ASPG: variants seen among roughly 807,000 people sequenced by gnomAD.
ASPG encodes the protein asparaginase.
Under a neutral mutation model 63.2 loss-of-function variants are expected in ASPG, and 53 were observed. The ratio of observed to expected loss-of-function variants is 0.84; its 90% confidence interval spans 0.67 to 1.05. The LOEUF (loss-of-function observed/expected upper bound fraction) is 1.05, where lower values mean the gene tolerates loss of function less well. ASPG is among the 50% of genes least tolerant of loss of function. The pLI is 0.00. For synonymous variants in ASPG, 370 were observed against 355.0 expected, an observed-to-expected ratio of 1.04 and a Z score of -0.48; for missense variants, 741 against 794.4, an observed-to-expected ratio of 0.93 and a Z score of 0.81.
chr14:104,087,438 C>T (rs1458478140), intron 1 of ASPG, among the ~76,000 whole-genome samples: 1 of 152,278 alleles, frequency 6.6e-6, no homozygotes, highest in South Asian at 2.1e-4. Flanking sequence ...ATAACAGGGT[C>T]TGAGCTGGGT....
intron 4 of ASPG, among the ~76,000 whole-genome samples, chr14:104,096,375 T>G (rs2036595953): frequency 6.6e-6 from 1 of 152,082 alleles, no homozygotes; most frequent in South Asian, 2.1e-4. Flanking sequence ...TCCAGAAAGC[T>G]CCATGGAGGC....
chr14:104,094,811 T>G (rs574491052), intron 3 of ASPG, among the ~76,000 whole-genome samples: 2 of 152,336 alleles, frequency 1.3e-5, no homozygotes. Flanking sequence ...CCTGCCGTCT[T>G]GCCGCGAGTG....
At chr14:104,095,850 G>A (rs544428474) in intron 4 of ASPG, among the ~76,000 whole-genome samples, 194 bp downstream of exon 4, 2 of 152,192 alleles carry the variant, frequency 1.3e-5, no homozygotes, top group Non-Finnish European at 2.9e-5. Context: ...CACCTGCCCC[G>A]CAGGAGGGGG....
intron 5 of ASPG, 31 bp downstream of exon 5, chr14:104,097,668 A>T: frequency 6.5e-7 from 1 of 1,547,206 alleles, no homozygotes. Context: ...GAGGCGGGGC[A>T]GGTGGGGTGG....
At chr14:104,102,142 C>T (rs75631110) in intron 6 of ASPG, among the ~76,000 whole-genome samples, 49 of 152,166 alleles carry the variant, frequency 3.2e-4, no homozygotes, top group African/African-American at 1.2e-3. Flanking sequence ...CTTTCCTGTG[C>T]TGATGCCTTA....
intron 3 of ASPG, among the ~76,000 whole-genome samples, chr14:104,094,263 T>C (rs1233612594): frequency 6.6e-6 from 1 of 152,002 alleles, no homozygotes; most frequent in African/African-American, 2.4e-5. Flanking sequence ...TGTGTGATGC[T>C]ACCTCGAGGG....
In ASPG at chr14:104,092,633, TGCTTGTG is replaced by T; in HGVS notation, c.84_90del (p.Leu29ProfsTer9). 19 of 1,534,998 alleles carry T rather than the reference TGCTTGTG, an allele frequency of 1.2e-5. No homozygotes were observed. The highest frequency in any genetic ancestry group is 1.7e-5 in the Non-Finnish European group (19 of 1,146,788). On this transcript the variant is annotated frameshift_variant and splice_region_variant, in exon 2 of 16. Transcript: ENST00000551177. LOFTEE classifies it high-confidence loss of function. Reference sequence around the variant, plus strand: ...GCATCCACCTGGACTCTGCCTGCAGTGCTTGTGCCCGGGACGGGCCTGGCTGCCATCC... The same window carrying T: ...GCATCCACCTGGACTCTGCCTGCAGTCCCGGGACGGGCCTGGCTGCCATCC...
At chr14:104,086,808 T>C (rs1274223466) in intron 1 of ASPG, among the ~76,000 whole-genome samples, 4 of 152,044 alleles carry the variant, frequency 2.6e-5, no homozygotes, top group Admixed American at 6.5e-5. Flanking sequence ...CCTGCTGCCC[T>C]GGCCCCTCCC....
In ASPG at chr14:104,104,637, G is replaced by A. The variant is rs1221680870; in HGVS notation, c.952G>A (p.Gly318Ser). The change falls in exon 9 of 16, where the codon GGC (glycine) becomes AGC (serine). Residue 318 changes from glycine to serine, a missense_variant. Gly to Ser is a moderately conservative substitution (Grantham distance 56). Coordinates refer to ENST00000551177, the MANE Select transcript of ASPG (RefSeq NM_001080464.3). ...CTCCTCACAGGCCATGGCGGGAGCC[G>A]GCGTCATCTCAGGCTTCGACATGAC... is the stretch of plus-strand genomic sequence containing the variant. ...YAAGMAMAGA[G>S]VISGFDMTSE... The A allele has an allele frequency of 1.9e-6, 3 of 1,609,518 alleles. No homozygotes were observed. Among genetic ancestry groups the A allele is most frequent in the Middle Eastern group, 1.7e-4 (1 of 6,034 alleles).
Position 104,104,392 on chromosome 14 carries a change from A to G in ASPG, c.842A>G (p.Gln281Arg), listed in dbSNP as rs1358523459. 1.9e-6 allele frequency: 3 copies of G among 1,612,632 alleles called. No individual in the cohort carries two copies. The highest frequency in any genetic ancestry group is 1.3e-5 in the African/African-American group (1 of 75,072). Residue 281 changes from glutamine to arginine, a missense_variant, in exon 8 of 16, where the codon CAG (glutamine) becomes CGG (arginine). Transcript: ENST00000551177. ...GGACCCACCAAGCCCGACCTGCTGC[A>G]GGAGCTGCGGGTGGCCACCGAGCGC... ...GNGPTKPDLL[Q>R]ELRVATERGL...
At chr14:104,108,279 C>T (rs2037230044) in intron 12 of ASPG, 1 of 361,246 alleles carries the variant, frequency 2.8e-6, no homozygotes, top group Admixed American at 6.4e-5. Flanking sequence ...GAGGGTCCCC[C>T]CGAGCAGGGC....
Position 104,097,595 on chromosome 14 carries a change from G to T in ASPG, c.471G>T (p.Leu157=), listed in dbSNP as rs1465163. 142,244 of 1,564,160 alleles carry T rather than the reference G, an allele frequency of 0.091. 11,634 individuals are homozygous for T. The highest frequency in any genetic ancestry group is 0.35 in the East Asian group (14,791 of 41,882). Residue 157 remains leucine (L), a synonymous_variant, in exon 5 of 16, where the codon CTG becomes CTT. Coordinates refer to ENST00000551177, the MANE Select transcript of ASPG (RefSeq NM_001080464.3). ...HALWSDGREN[L]LGALLMAGQY... ...TGTGGAGCGACGGCCGTGAGAACCT[G>T]CTGGGGGCACTGCTCATGGCTGGCC...
rs2037347672 is a variant in ASPG, at chr14:104,110,712, CCAGA to C, written c.1521-789_1521-786del. ...TAGGCGCAGAGTCCCTAAGGGCCCT[CCAGA>C]GGAGGGGGCAGCCCCTTCCTCACCA... On this transcript the variant is annotated intron_variant, in intron 13 of 15. Coordinates refer to ENST00000551177, the MANE Select transcript of ASPG (RefSeq NM_001080464.3). This position sits in a 1 kb window ranked among gnomAD's most constrained non-coding sequence, Gnocchi z 4.7. 2 of 985,216 alleles carry C rather than the reference CCAGA, an allele frequency of 2.0e-6. No individual in the cohort carries two copies. The highest frequency in any genetic ancestry group is 3.5e-5 in the African/African-American group (2 of 57,200). The allele number at this position is 985,216 out of a possible 1,614,324, so 61.0% of individuals were successfully genotyped here.
At chr14:104,092,973 AC>A (rs1018808150) in intron 2 of ASPG, 22 of 538,492 alleles carry the variant, frequency 4.1e-5, no homozygotes, top group African/African-American at 3.8e-4. Flanking sequence ...CTCCTCCCAC[AC>A]CCCCAGCCAG....
Position 104,112,626 on chromosome 14 carries a change from G to A in ASPG, c.*82G>A. The A allele has an allele frequency of 1.3e-6, 2 of 1,571,352 alleles. No homozygotes were observed. Among genetic ancestry groups the A allele is most frequent in the Non-Finnish European group, 8.6e-7 (1 of 1,163,432 alleles). On this transcript the variant is annotated 3_prime_UTR_variant, in exon 16 of 16. Transcript: ENST00000551177. Reference sequence around the variant, plus strand: ...GGGTCTCAGGCATGACCCCACTGCTGGGGCTGCTTCCCAGCCTGCTCTCAT... The same window carrying A: ...GGGTCTCAGGCATGACCCCACTGCTAGGGCTGCTTCCCAGCCTGCTCTCAT...
In ASPG at chr14:104,109,212, T is replaced by C. The variant is rs1183823319; in HGVS notation, c.1434-17T>C. 8 of 1,612,272 alleles carry C rather than the reference T, an allele frequency of 5.0e-6. No homozygotes were observed. Among genetic ancestry groups the C allele is most frequent in the Non-Finnish European group, 6.8e-6 (8 of 1,179,452 alleles). ...GGCTGGCCAGGGCAGAAGGTCAGCATGCTCATTCTCACACAGGCATCCGGG... is the reference window on the plus strand; with the variant it reads ...GGCTGGCCAGGGCAGAAGGTCAGCACGCTCATTCTCACACAGGCATCCGGG... On this transcript the variant is annotated splice_polypyrimidine_tract_variant and intron_variant, in intron 12 of 15. Coordinates refer to ENST00000551177, the MANE Select transcript of ASPG (RefSeq NM_001080464.3). The surrounding 1 kb of genome is among the most constrained non-coding windows in gnomAD (Gnocchi z 4.8).
chr14:104,094,787 C>T (rs951253276), intron 3 of ASPG, among the ~76,000 whole-genome samples: 1 of 152,238 alleles, frequency 6.6e-6, no homozygotes, highest in Non-Finnish European at 1.5e-5. Context: ...GCCTTCTCGG[C>T]TCAGGTGGCC....
At chr14:104,100,722 G>A (rs1408449364) in intron 6 of ASPG, among the ~76,000 whole-genome samples, 2 of 152,210 alleles carry the variant, frequency 1.3e-5, no homozygotes, top group African/African-American at 2.4e-5. Flanking sequence ...CTTGCTCACC[G>A]AGGGCCAGGG....
chr14:104,094,547 G>A (rs1429483182), intron 3 of ASPG, among the ~76,000 whole-genome samples: 1 of 151,524 alleles, frequency 6.6e-6, no homozygotes, highest in Non-Finnish European at 1.5e-5. Flanking sequence ...CCTCCTGCCC[G>A]CTCCAGTCCC....
Sources: allele counts gnomAD v4.1 joint callset (sites outside exome capture counted in the v4.1 genomes callset), GRCh38; gene constraint gnomAD v4.1.1; non-coding constraint Gnocchi (gnomAD v3.1); transcripts MANE v1.5; gene names NCBI Gene and HGNC (gene_info 2026-07-23, HGNC 2026-07-21).